The following GFRA2 variants were observed in gnomAD, a reference collection of about 807,000 sequenced individuals.
GFRA2 encodes GDNF family receptor alpha-2.
GFRA2 carries 17 observed loss-of-function variants against 48.3 expected under a neutral mutation model. The ratio of observed to expected loss-of-function variants is 0.35; its 90% CI spans 0.24 to 0.53. The LOEUF (loss-of-function observed/expected upper bound fraction) is 0.53. GFRA2 is among the 20% of genes least tolerant of loss of function. GFRA2 has a pLI of 0.93. For missense variants in GFRA2, 660 were observed against 637.3 expected (o/e 1.04, Z -0.38); for synonymous variants, 305 against 257.2 (o/e 1.19, Z -1.78).
At position 21,693,284 on chromosome 8, in the gene GFRA2, G is replaced by A; in HGVS notation, c.1389C>T (p.Ala463=). 6.2e-7 allele frequency: 1 copy of A among 1,611,594 alleles called. No individual in the cohort carries two copies. The highest frequency in any genetic ancestry group is 8.5e-7 in the Non-Finnish European group (1 of 1,178,782). Residue 463 remains alanine (A), a synonymous_variant, in exon 9 of 9, where the codon GCC becomes GCT. Transcript: ENST00000524240. The stretch of plus-strand genomic sequence containing the variant: ...CTGACTCGGTTCCCACAGCCTACAA[G>A]GCCAGTTTCAGCATCAGGACAGACA... ...TVLSVLMLKL[A]L
In GFRA2 at chr8:21,750,076, T is replaced by C. The variant is rs577472117; in HGVS notation, c.794+512A>G. Among the ~76,000 whole-genome samples the C allele has an allele frequency of 2.4e-5, 3 of 127,618 alleles. No individual in the cohort carries two copies. Among genetic ancestry groups the C allele is most frequent in the Admixed American group, 7.2e-5 (1 of 13,868 alleles). 83.7% of individuals were successfully genotyped at this position (127,618 alleles called of 152,430 possible). ...AAGTATATATATGTGTATATATGTG[T>C]GTGTGTGTGTATACACACACACACA... is the stretch of plus-strand genomic sequence containing the variant. On this transcript the variant is annotated intron_variant, in intron 4 of 8. Coordinates refer to ENST00000524240, the MANE Select transcript of GFRA2 (RefSeq NM_001495.5). This position sits in a 1 kb window ranked among gnomAD's most constrained non-coding sequence, Gnocchi z 5.7.
intron 7 of GFRA2, among the ~76,000 whole-genome samples, chr8:21,698,978 A>G (rs1269191084): frequency 6.6e-6 from 1 of 152,060 alleles, no homozygotes; most frequent in African/African-American, 2.4e-5. Context: ...ACTCCCAGTC[A>G]ACGCACTCTC....
At chr8:21,763,277 A>G (rs1360663182) in intron 3 of GFRA2, among the ~76,000 whole-genome samples, 1 of 152,178 alleles carries the variant, frequency 6.6e-6, no homozygotes, top group African/African-American at 2.4e-5. Context: ...CCTAATTTTG[A>G]AAGAAGTGGC....
At chr8:21,806,239 TG>T in intron 1 of GFRA2, among the ~76,000 whole-genome samples, 1 of 152,380 alleles carries the variant, frequency 6.6e-6, no homozygotes, top group South Asian at 2.1e-4. Context: ...AACTTTACAA[TG>T]GTGCAAAAGA....
At chr8:21,739,499 T>C (rs1196526675) in intron 4 of GFRA2, among the ~76,000 whole-genome samples, 1 of 152,118 alleles carries the variant, frequency 6.6e-6, no homozygotes, top group Non-Finnish European at 1.5e-5. Context: ...GTCCTCTTAT[T>C]AAGTAACACA....
intron 1 of GFRA2, among the ~76,000 whole-genome samples, chr8:21,787,007 C>T (rs1807304635): frequency 6.6e-6 from 1 of 151,986 alleles, no homozygotes. Flanking sequence ...CACACACACA[C>T]ACATACACAG....
rs567874667 is a variant in GFRA2, at chr8:21,705,976, G to T, written c.860C>A (p.Ala287Glu). 62 of 1,578,688 alleles carry T rather than the reference G, an allele frequency of 3.9e-5. No individual in the cohort carries two copies. Among genetic ancestry groups the T allele is most frequent in the Non-Finnish European group, 5.0e-5 (58 of 1,161,882 alleles). The change falls in exon 5 of 9, where the codon GCG becomes GAG. Residue 287 changes from alanine to glutamate, a missense_variant. Coordinates refer to ENST00000524240, the MANE Select transcript of GFRA2 (RefSeq NM_001495.5). ...GCCCAGACACGCCTGGTAATTGTCC[G>T]CAGGGCAGCTGGTGACCGTCTGGTA... ...ASYQTVTSCP[A>E]DNYQACLGSY...
At chr8:21,792,816 G>A (rs969857748), upstream of GFRA2, among the ~76,000 whole-genome samples, 1 of 152,240 alleles carries the variant, frequency 6.6e-6, no homozygotes, top group Non-Finnish European at 1.5e-5. Flanking sequence ...TATAATCCCA[G>A]CACTCTGGGA....
Position 21,782,715 on chromosome 8 carries a change from G to T in GFRA2, c.225C>A (p.Asn75Lys). 6.3e-7 allele frequency: 1 copy of T among 1,596,990 alleles called. No individual in the cohort carries two copies. Among genetic ancestry groups the T allele is most frequent in the Non-Finnish European group, 8.5e-7 (1 of 1,172,280 alleles). The part of the protein sequence containing the change: ...AGRDRNTMLA[N>K]KECQAALEVL... ...CCTCCAAGGCCGCCTGGCACTCCTT[G>T]TTGGCCAGCATGGTGTTGCGGTCGC... Residue 75 changes from asparagine (N) to lysine (K), a missense_variant, in exon 2 of 9, where the codon AAC becomes AAA. Coordinates refer to ENST00000524240, the MANE Select transcript of GFRA2 (RefSeq NM_001495.5).
rs1261165396 is a variant in GFRA2 at position 21,783,900 on chromosome 8, G to GT, written c.41-1002dup. Among the ~76,000 whole-genome samples, 290 of 151,990 alleles carry GT rather than the reference G, an allele frequency of 1.9e-3. 1 individual carries two copies. The highest frequency in any genetic ancestry group is 6.6e-3 in the African/African-American group (274 of 41,428). ...TTACCTCTTGTCTTTCAATGGCCTT[G>GT]TTTTTTTCTCTCTCAGCTCCTCTCT... On this transcript the variant is annotated intron_variant, in intron 1 of 8. Coordinates refer to ENST00000524240, the MANE Select transcript of GFRA2 (RefSeq NM_001495.5).
At chr8:21,709,981 C>T (rs1033174548) in intron 4 of GFRA2, among the ~76,000 whole-genome samples, 2 of 152,084 alleles carry the variant, frequency 1.3e-5, no homozygotes, top group Non-Finnish European at 2.9e-5. Flanking sequence ...GGGAGAGAGG[C>T]GGGAGTAGAG....
intron 7 of GFRA2, among the ~76,000 whole-genome samples, chr8:21,695,387 C>A (rs1025099343): frequency 2.6e-5 from 4 of 152,138 alleles, no homozygotes; most frequent in African/African-American, 4.8e-5. Flanking sequence ...AACTGGGAAG[C>A]CCAAGAAATT....
intron 2 of GFRA2, among the ~76,000 whole-genome samples, chr8:21,797,993 G>C (rs1807707541): frequency 6.6e-6 from 1 of 152,104 alleles, no homozygotes; most frequent in East Asian, 1.9e-4. Context: ...CTACTCCCCA[G>C]CAAAAGTCAC....
intron 4 of GFRA2, among the ~76,000 whole-genome samples, chr8:21,726,418 G>A (rs775193635): frequency 5.3e-5 from 8 of 152,216 alleles, no homozygotes; most frequent in Non-Finnish European, 1.2e-4. Flanking sequence ...TAGGGCAGCT[G>A]TAACAAATTA....
intron 2 of GFRA2, among the ~76,000 whole-genome samples, chr8:21,776,082 C>T (rs995312152): frequency 1.3e-5 from 2 of 150,928 alleles, no homozygotes; most frequent in Admixed American, 6.6e-5. Flanking sequence ...ATTTCCCATC[C>T]AGGCAGGGCC....
upstream of GFRA2, among the ~76,000 whole-genome samples, chr8:21,793,822 C>T (rs1039818793): frequency 1.3e-5 from 2 of 151,868 alleles, no homozygotes; most frequent in Admixed American, 6.6e-5. Context: ...CTCTTCCTCC[C>T]TTCCCTATCC....
intron 4 of GFRA2, among the ~76,000 whole-genome samples, chr8:21,724,283 G>A (rs1325539580): frequency 6.6e-6 from 1 of 152,104 alleles, no homozygotes; most frequent in Non-Finnish European, 1.5e-5. Flanking sequence ...GCCTACCGGA[G>A]GTATACCAGA....
At chr8:21,757,250 C>G (rs1805615184) in intron 3 of GFRA2, among the ~76,000 whole-genome samples, 1 of 152,200 alleles carries the variant, frequency 6.6e-6, no homozygotes, top group Non-Finnish European at 1.5e-5. Context: ...AGCCCAGCCT[C>G]TCCTGTTAAT....
Position 21,692,399 on chromosome 8 carries a change from C to CTTT in GFRA2, c.*878_*879insAAA, listed in dbSNP as rs1801918861. 6.6e-6 allele frequency: 1 copy of CTTT among 152,130 alleles called. No individual in the cohort carries two copies. Among genetic ancestry groups the CTTT allele is most frequent in the Admixed American group, 6.6e-5 (1 of 15,264 alleles). The allele number at this position is 152,130 out of a possible 1,614,324, so 9.4% of individuals were successfully genotyped here. On this transcript the variant is annotated 3_prime_UTR_variant, in exon 9 of 9. Coordinates refer to ENST00000524240, the MANE Select transcript of GFRA2 (RefSeq NM_001495.5). ...AGAAGACAGCAGGAAAGCTTGAGGG[C>CTTT]CCACGGTGCTGCAGACACACACCCG...
Sources: allele counts gnomAD v4.1 joint callset (sites outside exome capture counted in the v4.1 genomes callset), GRCh38; gene constraint gnomAD v4.1.1; non-coding constraint Gnocchi (gnomAD v3.1); transcripts MANE v1.5; gene names NCBI Gene and HGNC (gene_info 2026-07-23, HGNC 2026-07-21).